The following ATP11A variants were observed in gnomAD, a reference collection of about 807,000 sequenced individuals.
ATP11A encodes the protein phospholipid-transporting ATPase IH.
ATP11A carries 81 observed loss-of-function variants against 154.4 expected under a neutral mutation model. The observed-to-expected ratio is 0.52, with a 90% CI of 0.44 to 0.63. The LOEUF (loss-of-function observed/expected upper bound fraction) is 0.63. Ranked by LOEUF, ATP11A falls within the 30% of genes least tolerant of loss-of-function variation. ATP11A has a pLI of 0.00. For synonymous variants in ATP11A, 623 were observed against 585.9 expected (o/e 1.06, Z -0.91); for missense variants, 1,316 against 1,474.3 (o/e 0.89, Z 1.76).
chr13:112,708,072 A>G (rs977063258), intron 1 of ATP11A, among the ~76,000 whole-genome samples: 2 of 152,216 alleles, frequency 1.3e-5, no homozygotes, highest in African/African-American at 4.8e-5. Flanking sequence ...CAAAAGTGGA[A>G]AAATTGGGCT....
At chr13:112,705,706 T>C (rs1443732143) in intron 1 of ATP11A, among the ~76,000 whole-genome samples, 1 of 152,234 alleles carries the variant, frequency 6.6e-6, no homozygotes, top group Non-Finnish European at 1.5e-5. Flanking sequence ...GTTTTCTTGC[T>C]CACAATACAG....
intron 17 of ATP11A, among the ~76,000 whole-genome samples, chr13:112,845,797 G>GTTGCCA (rs2079585647): frequency 7.4e-5 from 4 of 53,880 alleles, no homozygotes; most frequent in African/African-American, 1.7e-4. Flanking sequence ...CCAGTTTCCA[G>GTTGCCA]GCACTAGTGA....
At position 112,882,768 on chromosome 13, in the gene ATP11A, C is replaced by G. The variant is rs986706718; in HGVS notation, c.*902C>G. On this transcript the variant is annotated 3_prime_UTR_variant, in exon 30 of 30. Transcript: ENST00000375645. This position sits in a 1 kb window ranked among gnomAD's most constrained non-coding sequence, Gnocchi z 5.1. ...GCACGGAGCCGTCAGTCCACTGTTA[C>G]GGGAGAATGTTGATTTCGCGGGTGC... 3 of 399,452 alleles carry G rather than the reference C, an allele frequency of 7.5e-6. No individual in the cohort carries two copies. The highest frequency in any genetic ancestry group is 8.8e-6 in the Non-Finnish European group (2 of 226,784). The allele number at this position is 399,452 out of a possible 1,614,324, so 24.7% of individuals were successfully genotyped here.
At chr13:112,711,120 T>C (rs1887696133) in intron 1 of ATP11A, among the ~76,000 whole-genome samples, 1 of 152,208 alleles carries the variant, frequency 6.6e-6, no homozygotes, top group Non-Finnish European at 1.5e-5. Context: ...CCGTCCTGCG[T>C]GCTGACACTT....
chr13:112,788,022 T>C (rs1315225464), intron 2 of ATP11A, among the ~76,000 whole-genome samples: 2 of 149,954 alleles, frequency 1.3e-5, no homozygotes, highest in Non-Finnish European at 3.0e-5. Context: ...GGAGACCTAC[T>C]TAATTCACAC....
intron 8 of ATP11A, among the ~76,000 whole-genome samples, chr13:112,822,743 C>CAAA (rs764140319): frequency 2.8e-5 from 2 of 71,092 alleles, no homozygotes; most frequent in African/African-American, 4.6e-5. Context: ...GACCCTGTTG[C>CAAA]AAAAAAAAAA....
At chr13:112,723,357 C>T (rs1376983587) in intron 1 of ATP11A, among the ~76,000 whole-genome samples, 1 of 110,518 alleles carries the variant, frequency 9.0e-6, no homozygotes, top group Non-Finnish European at 1.9e-5. Context: ...CTGCACCCTC[C>T]GCCTGCCGGG....
At chr13:112,703,930 A>G (rs1886865316) in intron 1 of ATP11A, among the ~76,000 whole-genome samples, 1 of 152,248 alleles carries the variant, frequency 6.6e-6, no homozygotes, top group Admixed American at 6.5e-5. Context: ...CTGCTGGATC[A>G]TGATCTGGTT....
intron 1 of ATP11A, among the ~76,000 whole-genome samples, chr13:112,780,712 C>T (rs1217184152): frequency 6.6e-6 from 1 of 152,142 alleles, no homozygotes; most frequent in Non-Finnish European, 1.5e-5. Context: ...TTGATGCCAG[C>T]CCTCCAGGGG....
At chr13:112,734,761 T>C (rs1297738155) in intron 1 of ATP11A, among the ~76,000 whole-genome samples, 1 of 152,230 alleles carries the variant, frequency 6.6e-6, no homozygotes, top group East Asian at 1.9e-4. Context: ...TTGGCTCACC[T>C]GCCCTCATAG....
chr13:112,745,443 A>G (rs887730190), intron 1 of ATP11A: 1 of 152,236 alleles, frequency 6.6e-6, no homozygotes, highest in African/African-American at 2.4e-5. Context: ...GTACCACCCA[A>G]ATAAATAATC....
intron 1 of ATP11A, among the ~76,000 whole-genome samples, chr13:112,695,126 G>T (rs1030442242): frequency 1.3e-5 from 2 of 152,122 alleles, no homozygotes; most frequent in South Asian, 2.1e-4. Context: ...CCTAATCCAG[G>T]ATTAGACGAT....
intron 1 of ATP11A, among the ~76,000 whole-genome samples, chr13:112,752,848 G>A (rs1594548305): frequency 6.6e-6 from 1 of 152,296 alleles, no homozygotes; most frequent in East Asian, 1.9e-4. Context: ...TTCCAGGAAA[G>A]TCAGCCAGGA....
rs1320588948 is a variant in ATP11A at position 112,882,002 on chromosome 13, C to T, written c.*136C>T. On this transcript the variant is annotated 3_prime_UTR_variant, in exon 30 of 30. Coordinates refer to ENST00000375645, the MANE Select transcript of ATP11A (RefSeq NM_015205.3). The surrounding 1 kb of genome is among the most constrained non-coding windows in gnomAD (Gnocchi z 5.1). ...CCCACCCATCCTCGGCGGTTCCCAT[C>T]ACCACTGCAGTTCCATCCCAAGTCA... 1.5e-6 allele frequency: 2 copies of T among 1,367,864 alleles called. No individual in the cohort carries two copies. The highest frequency in any genetic ancestry group is 2.0e-6 in the Non-Finnish European group (2 of 1,021,994). 84.7% of individuals were successfully genotyped at this position (1,367,864 alleles called of 1,614,324 possible). A position where few individuals can be genotyped will look rare whatever the true frequency, so the allele number is the denominator to read the frequency against.
intron 19 of ATP11A, 80 bp from the exon 20 acceptor site, chr13:112,855,831 G>C (rs775385998): frequency 1.6e-4 from 216 of 1,320,504 alleles, no homozygotes; most frequent in Non-Finnish European, 2.2e-4. Context: ...AGCATCTGTC[G>C]ATATCCAAAA....
At chr13:112,703,343 G>A (rs780449113) in intron 1 of ATP11A, 3 of 152,140 alleles carry the variant, frequency 2.0e-5, no homozygotes, top group African/African-American at 4.8e-5. Context: ...TCATCTAATC[G>A]TAAGTACCTC....
At chr13:112,836,098 T>C (rs1594125607) in intron 15 of ATP11A, 80 bp from the exon 16 acceptor site, 1 of 1,056,764 alleles carries the variant, frequency 9.5e-7, no homozygotes, top group Non-Finnish European at 1.4e-6. Flanking sequence ...GCCATTCTGC[T>C]GTGGAGAGCT....
chr13:112,699,335 T>C (rs533393207), intron 1 of ATP11A, among the ~76,000 whole-genome samples: 1 of 152,354 alleles, frequency 6.6e-6, no homozygotes, highest in African/African-American at 2.4e-5. Context: ...CATTTTTCTG[T>C]GGTTTTTATT....
intron 1 of ATP11A, among the ~76,000 whole-genome samples, chr13:112,702,285 G>T (rs1490439475): frequency 6.7e-6 from 1 of 150,254 alleles, no homozygotes; most frequent in East Asian, 2.0e-4. Context: ...GGCAGAGGTT[G>T]CAGTGAGCCG....
Sources: allele counts gnomAD v4.1 joint callset (sites outside exome capture counted in the v4.1 genomes callset), GRCh38; gene constraint gnomAD v4.1.1; non-coding constraint Gnocchi (gnomAD v3.1); transcripts MANE v1.5; gene names NCBI Gene and HGNC (gene_info 2026-07-23, HGNC 2026-07-21).